Variants in PFKM observed in about 807,000 individuals in gnomAD.
PFKM encodes ATP-dependent 6-phosphofructokinase, muscle type.
A neutral mutation model predicts 95.5 loss-of-function variants in PFKM; 58 were observed. The observed-to-expected ratio is 0.61, with a 90% CI of 0.49 to 0.76. PFKM has a LOEUF of 0.76. PFKM is among the 30% of genes least tolerant of loss of function. PFKM has a pLI of 0.00. For missense variants in PFKM, 678 were observed against 1,005.4 expected, an observed-to-expected ratio of 0.67 and a Z score of 4.40; for synonymous variants, 336 against 357.2, an observed-to-expected ratio of 0.94 and a Z score of 0.67.
Position 48,135,036 on chromosome 12 carries a change from A to AATGTTCGT in PFKM, c.843+2_843+9dup. 1 of 1,609,124 alleles carries AATGTTCGT rather than the reference A, an allele frequency of 6.2e-7. No homozygotes were observed. Among genetic ancestry groups the AATGTTCGT allele is most frequent in the Non-Finnish European group, 8.5e-7 (1 of 1,175,488 alleles). On this transcript the variant is annotated frameshift_variant and splice_region_variant, in exon 9 of 23. Coordinates refer to ENST00000359794, the MANE Select transcript of PFKM (RefSeq NM_000289.6). LOFTEE classifies it high-confidence loss of function. ...ACCAATCACCTCAGAAGACATCAAGAATGTTCGTATGAATGAAGCCAGAGA... is the reference window on the plus strand; with the variant it reads ...ACCAATCACCTCAGAAGACATCAAGAATGTTCGTATGTTCGTATGAATGAAGCCAGAGA...
upstream of PFKM, among the ~76,000 whole-genome samples, chr12:48,117,615 C>T (rs775658515): frequency 2.0e-4 from 30 of 152,268 alleles, no homozygotes; most frequent in Non-Finnish European, 3.2e-4. Flanking sequence ...TATTTGCCAC[C>T]TGTATATCTT....
upstream of PFKM, among the ~76,000 whole-genome samples, chr12:48,115,580 T>C (rs1255600350): frequency 6.6e-6 from 1 of 152,184 alleles, no homozygotes; most frequent in East Asian, 1.9e-4. Context: ...AAGGCTATTT[T>C]CACTTTTGTA....
chr12:48,120,641 G>A (rs1481357540), intron 1 of PFKM, among the ~76,000 whole-genome samples: 1 of 152,198 alleles, frequency 6.6e-6, no homozygotes, highest in Non-Finnish European at 1.5e-5. Context: ...ATGATAATAC[G>A]TGAATGAACG....
At chr12:48,134,565 T>C (rs1189930593) in intron 7 of PFKM, among the ~76,000 whole-genome samples, 156 bp from the exon 8 acceptor site, 3 of 152,196 alleles carry the variant, frequency 2.0e-5, no homozygotes, top group Non-Finnish European at 2.9e-5. Context: ...CAGAATCTCA[T>C]TGAGGGGCCC....
At position 48,145,895 on chromosome 12, in the gene PFKM, G is replaced by A. The variant is rs182762691; in HGVS notation, c.*187G>A. 6.3e-5 allele frequency: 39 copies of A among 615,026 alleles called. No homozygotes were observed. Among genetic ancestry groups the A allele is most frequent in the African/African-American group, 6.1e-4 (33 of 54,460 alleles). The allele number at this position is 615,026 out of a possible 1,614,324, so 38.1% of individuals were successfully genotyped here. ...AGTGGGTGGGAGCTCCTTTTAGGTA[G>A]AATTTAACATGACTTCTGCCCCAGC... On this transcript the variant is annotated 3_prime_UTR_variant, in exon 23 of 23. Coordinates refer to ENST00000359794, the MANE Select transcript of PFKM (RefSeq NM_000289.6). This position sits in a 1 kb window ranked among gnomAD's most constrained non-coding sequence, Gnocchi z 4.3.
At chr12:48,118,642 T>C (rs1488153731), upstream of PFKM, 10 of 893,238 alleles carry the variant, frequency 1.1e-5, no homozygotes, top group African/African-American at 1.3e-4. Flanking sequence ...CCAGAGTGGA[T>C]CCTGTTTGCT....
intron 2 of PFKM, among the ~76,000 whole-genome samples, chr12:48,127,644 C>G (rs1009396609): frequency 6.6e-6 from 1 of 152,224 alleles, no homozygotes; most frequent in Admixed American, 6.5e-5. Flanking sequence ...TTCTAGGATG[C>G]CAGGTAGCCT....
chr12:48,111,752 C>G (rs1455278414), intron 3 of PFKM, among the ~76,000 whole-genome samples: 3 of 152,090 alleles, frequency 2.0e-5, no homozygotes, highest in Non-Finnish European at 2.9e-5. Context: ...CAAAGAGAGA[C>G]AGTCATGGGG....
chr12:48,109,518 T>C (rs879242), intron 3 of PFKM, among the ~76,000 whole-genome samples: 34,563 of 152,122 alleles, frequency 0.23, 4,674 homozygotes, highest in East Asian at 0.59. Flanking sequence ...AGATTATTTC[T>C]TATTTGCCCT....
chr12:48,131,926 A>G (rs1949540473), intron 4 of PFKM: 1 of 439,208 alleles, frequency 2.3e-6, no homozygotes, highest in Non-Finnish European at 4.6e-6. Flanking sequence ...ATGTGTATCC[A>G]CTGTGGGCTA....
Position 48,134,354 on chromosome 12 carries a change from GTC to G in PFKM, c.638+83_638+84del, listed in dbSNP as rs1451979770. Reference sequence around the variant, plus strand: ...CCTTTTCCCCAGAGAGTCCAGTGAGGTCTCTCAGTAGCAGCAGATCTGGAGGT... The same window carrying G: ...CCTTTTCCCCAGAGAGTCCAGTGAGGTCTCAGTAGCAGCAGATCTGGAGGT... On this transcript the variant is annotated intron_variant, in intron 7 of 22. Transcript: ENST00000359794. 3.2e-5 allele frequency: 39 copies of G among 1,233,604 alleles called. No individual in the cohort carries two copies. The East Asian group carries it at 7.2e-4, about 23-fold the overall frequency. The allele number at this position is 1,233,604 out of a possible 1,614,324, so 76.4% of individuals were successfully genotyped here.
upstream of PFKM, among the ~76,000 whole-genome samples, chr12:48,114,786 G>T (rs1947524878): frequency 6.6e-6 from 1 of 152,092 alleles, no homozygotes; most frequent in African/African-American, 2.4e-5. Flanking sequence ...AATTATCTAG[G>T]TCTCGTAGGA....
Position 48,132,854 on chromosome 12 carries a change from T to C in PFKM, c.238-14T>C. The C allele has an allele frequency of 3.7e-6, 6 of 1,604,124 alleles. No individual in the cohort carries two copies. Among genetic ancestry groups the C allele is most frequent in the Non-Finnish European group, 4.3e-6 (5 of 1,174,700 alleles). On this transcript the variant is annotated splice_polypyrimidine_tract_variant and intron_variant, in intron 4 of 22. Coordinates refer to ENST00000359794, the MANE Select transcript of PFKM (RefSeq NM_000289.6). ...GCCCTGTCTCTGGGGAGCTGACTTCTACCTCTTCCAAAGGGAGGCACGGTG... is the reference window on the plus strand; with the variant it reads ...GCCCTGTCTCTGGGGAGCTGACTTCCACCTCTTCCAAAGGGAGGCACGGTG...
chr12:48,143,179 T>G (rs1205248746), intron 18 of PFKM, among the ~76,000 whole-genome samples: 1 of 151,882 alleles, frequency 6.6e-6, no homozygotes, highest in South Asian at 2.1e-4. Flanking sequence ...GCTAAGCCCT[T>G]TATGGGCATT....
intron 3 of PFKM, among the ~76,000 whole-genome samples, chr12:48,130,887 A>T (rs1310599905): frequency 6.6e-6 from 1 of 152,134 alleles, no homozygotes; most frequent in Non-Finnish European, 1.5e-5. Flanking sequence ...TTCTTTTTAT[A>T]AGGTCCACCT....
upstream of PFKM, chr12:48,105,391 A>G (rs1048438039): frequency 1.9e-6 from 1 of 518,954 alleles, no homozygotes; most frequent in Non-Finnish European, 3.8e-6. Flanking sequence ...GAGACGGTTC[A>G]AGGGAATTAC....
Position 48,140,717 on chromosome 12 carries a change from T to C in PFKM, c.1192-5T>C, listed in dbSNP as rs778432092. ...CCTCATTTTTCCCTGCTTCCTCCTG[T>C]ATAGAGTGGTTCGCACACAGTGGCT... On this transcript the variant is annotated splice_region_variant and splice_polypyrimidine_tract_variant and intron_variant, in intron 13 of 22. Transcript: ENST00000359794. 4.5e-5 allele frequency: 72 copies of C among 1,613,868 alleles called. 1 individual carries two copies. The Middle Eastern group carries it at 8.2e-4, about 18-fold the overall frequency.
chr12:48,122,655 T>C, intron 1 of PFKM, 112 bp from the exon 2 acceptor site: 1 of 1,557,814 alleles, frequency 6.4e-7, no homozygotes, highest in South Asian at 1.2e-5. Context: ...TCAGACTTGG[T>C]ATAGTGGGAG....
rs1950420151 is a variant in PFKM, at chr12:48,139,811, G to A, written c.1128-38G>A. ...TCCATGGCTGCTGGCTGTGGGGAAT[G>A]GCCTGAAGACACCTCTCTCTATTTG... On this transcript the variant is annotated intron_variant, in intron 12 of 22. Transcript: ENST00000359794. The A allele has an allele frequency of 5.1e-6, 7 of 1,370,548 alleles. 1 individual carries two copies. The highest frequency in any genetic ancestry group is 3.6e-4 in the Middle Eastern group (2 of 5,546). 84.9% of individuals were successfully genotyped at this position (1,370,548 alleles called of 1,614,324 possible). A position where few individuals can be genotyped will look rare whatever the true frequency, so the allele number is the denominator to read the frequency against.
Sources: allele counts gnomAD v4.1 joint callset (sites outside exome capture counted in the v4.1 genomes callset), GRCh38; gene constraint gnomAD v4.1.1; non-coding constraint Gnocchi (gnomAD v3.1); transcripts MANE v1.5; gene names NCBI Gene and HGNC (gene_info 2026-07-23, HGNC 2026-07-21).